Variants in MXI1 observed in about 807,000 individuals in gnomAD.
MXI1 encodes the protein max-interacting protein 1.
In MXI1, 18 loss-of-function variants were observed where a neutral mutation model predicts 36.9. The ratio of observed to expected loss-of-function variants is 0.49; its 90% CI spans 0.34 to 0.72. The LOEUF (loss-of-function observed/expected upper bound fraction) is 0.72. MXI1 is among the 30% of genes least tolerant of loss of function. The pLI, the probability that MXI1 is intolerant of heterozygous loss-of-function variation, is 0.01. For missense variants in MXI1, 304 were observed against 379.1 expected (o/e 0.80, Z 1.64); for synonymous variants, 160 against 146.7 (o/e 1.09, Z -0.65).
chr10:110,239,997 T>C (rs1855612086), intron 2 of MXI1, among the ~76,000 whole-genome samples: 1 of 152,096 alleles, frequency 6.6e-6, no homozygotes, highest in South Asian at 2.1e-4. Flanking sequence ...TTGAACTTTA[T>C]GTGAATGGAG....
chr10:110,271,091 C>CAA (rs10683812), intron 3 of MXI1, among the ~76,000 whole-genome samples: 32,357 of 130,016 alleles, frequency 0.25, 4,410 homozygotes, highest in African/African-American at 0.42. Flanking sequence ...AACTACGTCT[C>CAA]AAAAAAAAAA....
rs1233429169 is a variant in MXI1, at chr10:110,285,042, C to T, written c.*55C>T. The T allele has an allele frequency of 1.3e-6, 2 of 1,491,102 alleles. No homozygotes were observed. Among genetic ancestry groups the T allele is most frequent in the East Asian group, 4.7e-5 (2 of 42,638 alleles). The allele number at this position is 1,491,102 out of a possible 1,614,324, so 92.4% of individuals were successfully genotyped here. The stretch of plus-strand genomic sequence containing the variant: ...AAATATTCACTGGGCCAATTCAATA[C>T]AAACAATCTCTTAAATTGGGTTCAT... On this transcript the variant is annotated 3_prime_UTR_variant, in exon 6 of 6. Coordinates refer to ENST00000332674, the MANE Select transcript of MXI1 (RefSeq NM_130439.3).
chr10:110,282,525 A>G (rs1266260563), intron 5 of MXI1, among the ~76,000 whole-genome samples: 2 of 152,164 alleles, frequency 1.3e-5, no homozygotes, highest in Non-Finnish European at 2.9e-5. Context: ...TCTTTCCTCT[A>G]TTGCTAACTA....
At chr10:110,270,856 G>A (rs578032399) in intron 3 of MXI1, among the ~76,000 whole-genome samples, 3 of 152,212 alleles carry the variant, frequency 2.0e-5, no homozygotes, top group South Asian at 2.1e-4. Flanking sequence ...TTGGGAGGCC[G>A]AGGCGGGCAG....
rs924619153 is a variant in MXI1 at position 110,207,909 on chromosome 10, A to C, written c.101A>C (p.Gln34Pro). The C allele has an allele frequency of 7.0e-6, 10 of 1,430,832 alleles. No homozygotes were observed. Among genetic ancestry groups the C allele is most frequent in the East Asian group, 3.3e-5 (1 of 30,572 alleles). 88.6% of individuals were successfully genotyped at this position (1,430,832 alleles called of 1,614,324 possible). The change falls in exon 1 of 6, where the codon CAG becomes CCG. Residue 34 changes from glutamine (Q) to proline (P), a missense_variant. Transcript: ENST00000332674. ...PAVPPAVAAPQPPALPEDPAG... is the reference protein window; with the variant it reads ...PAVPPAVAAPPPPALPEDPAG... ...GTGCCCCCCGCCGTGGCCGCGCCCC[A>C]GCCCCCGGCCCTGCCCGAGGACCCC...
rs10656872 is a variant in MXI1, at chr10:110,216,665, G to GTTTTTTTTTTTTTTTTTTTTTTTTTT, written c.274+8603_274+8604insTTTTTTTTTTTTTTTTTTTTTTTTTT. 1.4e-3 allele frequency among the ~76,000 whole-genome samples: 112 copies of GTTTTTTTTTTTTTTTTTTTTTTTTTT among 79,058 alleles called. 20 individuals are homozygous for GTTTTTTTTTTTTTTTTTTTTTTTTTT. Among genetic ancestry groups the GTTTTTTTTTTTTTTTTTTTTTTTTTT allele is most frequent in the African/African-American group, 4.4e-3 (56 of 12,588 alleles). The allele number at this position is 79,058 out of a possible 152,430, so 51.9% of individuals were successfully genotyped here. On this transcript the variant is annotated intron_variant, in intron 1 of 5. Coordinates refer to ENST00000332674, the MANE Select transcript of MXI1 (RefSeq NM_130439.3). The stretch of plus-strand genomic sequence containing the variant: ...CCTGTCTCCCCTATCTGTGTTTAAT[G>GTTTTTTTTTTTTTTTTTTTTTTTTTT]TTTTTTTTTTTTTTTTTTTTGGAGA...
chr10:110,225,762 C>T (rs1854939712), intron 1 of MXI1, among the ~76,000 whole-genome samples: 2 of 152,302 alleles, frequency 1.3e-5, no homozygotes, highest in African/African-American at 4.8e-5. Flanking sequence ...AAGCAAAGTC[C>T]CGCAACTTCT....
At chr10:110,229,328 G>T (rs72830450) in intron 2 of MXI1, among the ~76,000 whole-genome samples, 13,421 of 152,238 alleles carry the variant, frequency 0.088, 1,104 homozygotes, top group East Asian at 0.29. Flanking sequence ...GAGGAGGACA[G>T]AGCAATCCCT....
At chr10:110,240,672 A>G (rs1855639985) in intron 2 of MXI1, among the ~76,000 whole-genome samples, 1 of 152,026 alleles carries the variant, frequency 6.6e-6, no homozygotes, top group Non-Finnish European at 1.5e-5. Flanking sequence ...TACCTGCTCT[A>G]CTATAGCTAA....
intron 3 of MXI1, among the ~76,000 whole-genome samples, chr10:110,252,558 G>A (rs541960158): frequency 5.3e-5 from 8 of 151,940 alleles, no homozygotes; most frequent in Admixed American, 4.6e-4. Context: ...ATCACCTCCT[G>A]GTCACACTCT....
At chr10:110,244,751 T>C (rs1468602014) in intron 2 of MXI1, 77 bp from the exon 3 acceptor site, 2 of 1,205,698 alleles carry the variant, frequency 1.7e-6, no homozygotes, top group African/African-American at 1.5e-5. Context: ...AGGTGTAGCA[T>C]AGCAGTAACT....
intron 2 of MXI1, among the ~76,000 whole-genome samples, chr10:110,237,022 CT>C (rs1353932096): frequency 3.3e-5 from 5 of 152,236 alleles, no homozygotes; most frequent in Admixed American, 3.3e-4. Flanking sequence ...CTTAAGTATT[CT>C]TTGATGCTAT....
At chr10:110,283,596 T>C (rs1241425515) in intron 5 of MXI1, among the ~76,000 whole-genome samples, 1 of 152,034 alleles carries the variant, frequency 6.6e-6, no homozygotes, top group Non-Finnish European at 1.5e-5. Flanking sequence ...GTGTGAACCC[T>C]TAAAAAGTCA....
chr10:110,210,370 G>A (rs1183656961), intron 1 of MXI1: 30 of 833,118 alleles, frequency 3.6e-5, no homozygotes, highest in Non-Finnish European at 4.1e-5. Context: ...GGCTCCCGGC[G>A]GGAGTATTTT....
chr10:110,228,396 G>A, intron 2 of MXI1, 75 bp downstream of exon 2: 1 of 1,577,042 alleles, frequency 6.3e-7, no homozygotes, highest in Non-Finnish European at 8.7e-7. Context: ...CAAGTCTGAA[G>A]GAGCAGCACT....
At position 110,207,702 on chromosome 10, in the gene MXI1, C is replaced by T. The variant is rs1342270895; in HGVS notation, c.-107C>T. The stretch of plus-strand genomic sequence containing the variant: ...TCGGGAAGTCAGGCCGGCTTTTCGC[C>T]CCGGCGCCTTCTCTGCTCCAGCCGG... On this transcript the variant is annotated 5_prime_UTR_variant, in exon 1 of 6. Transcript: ENST00000332674. 2.8e-6 allele frequency: 2 copies of T among 717,018 alleles called. No homozygotes were observed. The highest frequency in any genetic ancestry group is 3.5e-6 in the Non-Finnish European group (2 of 577,118). The allele number at this position is 717,018 out of a possible 1,614,324, so 44.4% of individuals were successfully genotyped here.
chr10:110,220,904 T>C (rs188943071), intron 1 of MXI1, among the ~76,000 whole-genome samples: 43 of 152,356 alleles, frequency 2.8e-4, no homozygotes, highest in Middle Eastern at 3.4e-3. Context: ...TCTACCAGCA[T>C]AAATGATTAC....
intron 3 of MXI1, among the ~76,000 whole-genome samples, chr10:110,258,613 G>A (rs1856397628): frequency 1.3e-5 from 2 of 152,120 alleles, no homozygotes; most frequent in Non-Finnish European, 2.9e-5. Flanking sequence ...TAGGAATACT[G>A]AAAACTGTAG....
intron 3 of MXI1, among the ~76,000 whole-genome samples, chr10:110,276,385 T>C (rs1002905021): frequency 6.6e-6 from 1 of 152,220 alleles, no homozygotes; most frequent in African/African-American, 2.4e-5. Flanking sequence ...TCCTTTACTT[T>C]TAAAATTACC....
Sources: allele counts gnomAD v4.1 joint callset (sites outside exome capture counted in the v4.1 genomes callset), GRCh38; gene constraint gnomAD v4.1.1; transcripts MANE v1.5; gene names NCBI Gene and HGNC (gene_info 2026-07-23, HGNC 2026-07-21).